Variants in ARHGEF28 observed in about 807,000 individuals in gnomAD.
ARHGEF28 encodes Rho guanine nucleotide exchange factor 28.
ARHGEF28 carries 152 observed loss-of-function variants against 206.6 expected under a neutral mutation model. The observed-to-expected ratio is 0.74, with a 90% CI of 0.64 to 0.84. ARHGEF28 has a LOEUF of 0.84. ARHGEF28 is among the 40% of genes least tolerant of loss of function. The pLI, the probability that ARHGEF28 is intolerant of heterozygous loss-of-function variation, is 0.00. For synonymous variants in ARHGEF28, 763 were observed against 776.4 expected, an observed-to-expected ratio of 0.98 and a Z score of 0.29; for missense variants, 2,028 against 2,073.2, an observed-to-expected ratio of 0.98 and a Z score of 0.42.
At chr5:73,801,750 G>A (rs749251187) in intron 9 of ARHGEF28, among the ~76,000 whole-genome samples, 4 of 151,958 alleles carry the variant, frequency 2.6e-5, no homozygotes, top group Non-Finnish European at 4.4e-5. Context: ...GGGAGTTGGG[G>A]GGTTATCTCT....
rs112361760 is a variant in ARHGEF28 at position 73,783,303 on chromosome 5, C to A, written c.910+2558C>A. On this transcript the variant is annotated intron_variant, in intron 7 of 35. Coordinates refer to ENST00000513042, the MANE Select transcript of ARHGEF28 (RefSeq NM_001177693.2). ...CAATACAAAGTCCTGAGCCAAATGA[C>A]GTACTGGGGAAAATGCAGCTCATTT... Among the ~76,000 whole-genome samples the A allele has an allele frequency of 1.7e-3, 258 of 151,284 alleles. 1 individual carries two copies. Among genetic ancestry groups the A allele is most frequent in the African/African-American group, 5.7e-3 (235 of 41,188 alleles).
At chr5:73,681,535 C>T (rs1747096960) in intron 1 of ARHGEF28, among the ~76,000 whole-genome samples, 2 of 152,072 alleles carry the variant, frequency 1.3e-5, no homozygotes, top group Non-Finnish European at 2.9e-5. Flanking sequence ...TGATTATAGG[C>T]TGGGCATGGT....
At chr5:73,679,686 G>T (rs192333343) in intron 1 of ARHGEF28, among the ~76,000 whole-genome samples, 2 of 151,144 alleles carry the variant, frequency 1.3e-5, no homozygotes, top group African/African-American at 4.9e-5. Flanking sequence ...TTCTGAAATG[G>T]CAGGTCAAAA....
chr5:73,657,454 A>G (rs1253635293), intron 1 of ARHGEF28, among the ~76,000 whole-genome samples: 1 of 152,156 alleles, frequency 6.6e-6, no homozygotes, highest in Non-Finnish European at 1.5e-5. Context: ...ATTTTTTAAC[A>G]TCTTTATTTA....
chr5:73,773,177 CAG>C (rs1463296606), intron 4 of ARHGEF28, among the ~76,000 whole-genome samples: 2 of 150,608 alleles, frequency 1.3e-5, no homozygotes, highest in East Asian at 3.8e-4. Context: ...AAGATGACAA[CAG>C]AGAGCGGCAA....
chr5:73,927,182 G>A (rs773988331), intron 35 of ARHGEF28, among the ~76,000 whole-genome samples: 18 of 151,396 alleles, frequency 1.2e-4, no homozygotes, highest in East Asian at 1.9e-4. Flanking sequence ...GCAACATAGC[G>A]AGAGCCCATC....
At chr5:73,714,170 A>G (rs1749429346) in intron 2 of ARHGEF28, among the ~76,000 whole-genome samples, 1 of 152,180 alleles carries the variant, frequency 6.6e-6, no homozygotes, top group Non-Finnish European at 1.5e-5. Flanking sequence ...ACTGACAAAT[A>G]GTTAATTATC....
intron 1 of ARHGEF28, among the ~76,000 whole-genome samples, chr5:73,674,202 C>G (rs375843496): frequency 3.3e-4 from 50 of 152,126 alleles, no homozygotes; most frequent in African/African-American, 1.2e-3. Context: ...ACAAAACATA[C>G]CATAGCTGAG....
At chr5:73,907,783 G>A (rs1484413736) in intron 33 of ARHGEF28, among the ~76,000 whole-genome samples, 5 of 152,244 alleles carry the variant, frequency 3.3e-5, no homozygotes, top group East Asian at 3.9e-4. Flanking sequence ...ATGAATATCC[G>A]ATCTTCAGAT....
intron 7 of ARHGEF28, among the ~76,000 whole-genome samples, chr5:73,781,824 C>G (rs1345144299): frequency 6.6e-6 from 1 of 152,042 alleles, no homozygotes; most frequent in Non-Finnish European, 1.5e-5. Flanking sequence ...TTTAATTAGA[C>G]ATGAAGATAA....
intron 29 of ARHGEF28, among the ~76,000 whole-genome samples, chr5:73,896,919 C>A (rs1761990782): frequency 6.6e-6 from 1 of 152,214 alleles, no homozygotes; most frequent in African/African-American, 2.4e-5. Flanking sequence ...GCTGCGTGAG[C>A]CGCAGTTGGA....
At chr5:73,856,454 G>T (rs1048904454) in intron 14 of ARHGEF28, among the ~76,000 whole-genome samples, 1 of 152,008 alleles carries the variant, frequency 6.6e-6, no homozygotes, top group Admixed American at 6.6e-5. Context: ...ATGGTCAAGA[G>T]GCAGCTCTTA....
intron 1 of ARHGEF28, among the ~76,000 whole-genome samples, chr5:73,652,793 T>A (rs769194405): frequency 4.6e-5 from 7 of 152,190 alleles, no homozygotes; most frequent in Admixed American, 4.6e-4. Flanking sequence ...TTATCCCCAA[T>A]TTACAGATGG....
intron 1 of ARHGEF28, among the ~76,000 whole-genome samples, chr5:73,670,889 A>G (rs961880159): frequency 6.6e-6 from 1 of 152,090 alleles, no homozygotes; most frequent in African/African-American, 2.4e-5. Flanking sequence ...GTGGTTTGCA[A>G]ATATTTTCTC....
intron 16 of ARHGEF28, among the ~76,000 whole-genome samples, chr5:73,860,878 A>C (rs556632160): frequency 1.3e-5 from 2 of 152,110 alleles, no homozygotes; most frequent in Non-Finnish European, 2.9e-5. Flanking sequence ...TTACAGTCTG[A>C]GGCCCCACCA....
chr5:73,830,518 C>T (rs946189211), intron 9 of ARHGEF28, among the ~76,000 whole-genome samples: 1 of 148,488 alleles, frequency 6.7e-6, no homozygotes, highest in African/African-American at 2.5e-5. Flanking sequence ...TGCGCCACTG[C>T]ACTCCAGCCT....
chr5:73,918,570 A>G (rs1763347275), intron 35 of ARHGEF28, among the ~76,000 whole-genome samples: 1 of 152,350 alleles, frequency 6.6e-6, no homozygotes, highest in East Asian at 1.9e-4. Flanking sequence ...TAAAGAGACA[A>G]CTTTTCTCTT....
At chr5:73,726,708 C>T (rs1454026438) in intron 2 of ARHGEF28, among the ~76,000 whole-genome samples, 2 of 152,150 alleles carry the variant, frequency 1.3e-5, no homozygotes, top group Admixed American at 6.6e-5. Flanking sequence ...AATGAGAGAA[C>T]ATGTTTTATT....
At chr5:73,750,374 C>G (rs1289217520) in intron 3 of ARHGEF28, among the ~76,000 whole-genome samples, 1 of 152,038 alleles carries the variant, frequency 6.6e-6, no homozygotes, top group African/African-American at 2.4e-5. Context: ...CAAAGTTTGT[C>G]TTCTCTCTTC....
Sources: allele counts gnomAD v4.1 joint callset (sites outside exome capture counted in the v4.1 genomes callset), GRCh38; gene constraint gnomAD v4.1.1; transcripts MANE v1.5; gene names NCBI Gene and HGNC (gene_info 2026-07-23, HGNC 2026-07-21).